WIPF3: variants seen among roughly 807,000 people sequenced by gnomAD.
WIPF3 encodes the protein WAS/WASL interacting protein family member 3.
In WIPF3, 33 loss-of-function variants were observed where a neutral mutation model predicts 38.9. The observed-to-expected ratio is 0.85, with a 90% CI of 0.64 to 1.14. WIPF3 has a LOEUF of 1.14. WIPF3 is among the 50% of genes most tolerant of loss of function. The probability of loss-of-function intolerance (pLI) is 0.00; values close to 1 mark genes in which losing one functional copy is unlikely to be tolerated. For synonymous variants in WIPF3, 324 were observed against 269.3 expected (o/e 1.20, Z -1.99); for missense variants, 711 against 652.5 (o/e 1.09, Z -0.98).
At chr7:29,908,056 CAG>C (rs1281835081) in intron 8 of WIPF3, among the ~76,000 whole-genome samples, 1 of 152,112 alleles carries the variant, frequency 6.6e-6, no homozygotes, top group African/African-American at 2.4e-5. Flanking sequence ...AATCAAAAGA[CAG>C]AGATTGGCAG....
intron 1 of WIPF3, among the ~76,000 whole-genome samples, chr7:29,816,271 C>A (rs999379489): frequency 1.3e-5 from 2 of 152,086 alleles, no homozygotes; most frequent in African/African-American, 4.8e-5. Context: ...GTTATGCATT[C>A]TTCCAGAGAA....
chr7:29,871,131 C>T (rs1785489488), intron 2 of WIPF3, among the ~76,000 whole-genome samples: 1 of 152,184 alleles, frequency 6.6e-6, no homozygotes, highest in Non-Finnish European at 1.5e-5. Flanking sequence ...GTGCAGGGAA[C>T]ACTGTGTCAG....
intron 7 of WIPF3, among the ~76,000 whole-genome samples, chr7:29,891,143 G>C (rs373488322): frequency 2.4e-5 from 1 of 40,910 alleles, no homozygotes; most frequent in Admixed American, 2.7e-4. Context: ...TGGAGGGGGC[G>C]CGGGCCTGCC....
At chr7:29,889,618 A>G (rs1041897280) in intron 7 of WIPF3, among the ~76,000 whole-genome samples, 2 of 152,196 alleles carry the variant, frequency 1.3e-5, no homozygotes, top group African/African-American at 4.8e-5. Flanking sequence ...TTTATAGAAC[A>G]CTAAGGGTAA....
chr7:29,886,259 G>A (rs1785876978), intron 5 of WIPF3, among the ~76,000 whole-genome samples: 1 of 151,160 alleles, frequency 6.6e-6, no homozygotes, highest in African/African-American at 2.4e-5. Context: ...CAATTGACTG[G>A]TCACCATGAG....
In WIPF3 at chr7:29,884,000, C is replaced by T. The variant is rs781472174; in HGVS notation, c.506C>T (p.Pro169Leu). 2.4e-4 allele frequency: 371 copies of T among 1,527,954 alleles called. No individual in the cohort carries two copies. The highest frequency in any genetic ancestry group is 3.1e-4 in the Non-Finnish European group (354 of 1,136,056). The allele number at this position is 1,527,954 out of a possible 1,614,324, so 94.6% of individuals were successfully genotyped here. A position where few individuals can be genotyped will look rare whatever the true frequency, so the allele number is the denominator to read the frequency against. ...GCTGCCAGGACAGCCCCGCCTCGCC[C>T]CAACGTGCCTGCCCCGCCCCCTCCC... ...HGAARTAPPRPNVPAPPPPTP... is the reference protein window; with the variant it reads ...HGAARTAPPRLNVPAPPPPTP... Residue 169 changes from proline to leucine, a missense_variant, in exon 5 of 9, where the codon CCC (proline) becomes CTC (leucine). By Grantham distance (98) the Pro-to-Leu change is moderately conservative. Transcript: ENST00000242140.
intron 1 of WIPF3, 44 bp from the exon 2 acceptor site, chr7:29,834,624 G>C: frequency 1.4e-6 from 2 of 1,384,554 alleles, no homozygotes; most frequent in Non-Finnish European, 9.4e-7. Flanking sequence ...CTGCATGTAA[G>C]TAAAGAAATC....
chr7:29,897,857 C>T (rs1022025143), intron 7 of WIPF3, among the ~76,000 whole-genome samples: 2 of 152,206 alleles, frequency 1.3e-5, no homozygotes, highest in Non-Finnish European at 2.9e-5. Context: ...CAAAAGCTGT[C>T]TTCCAGCACC....
intron 1 of WIPF3, among the ~76,000 whole-genome samples, chr7:29,818,733 T>A (rs1784494638): frequency 6.6e-6 from 1 of 152,212 alleles, no homozygotes; most frequent in South Asian, 2.1e-4. Context: ...AGCTGTAGGA[T>A]AATGATAACT....
chr7:29,828,223 G>A lies in WIPF3; in HGVS notation c.-57-6445G>A, dbSNP rs548466337. ...TCTTGGAGAAAAAAAAGAGTTTGACGAGAGCAACTAGTGTGTAAAATTACT... is the reference window on the plus strand; with the variant it reads ...TCTTGGAGAAAAAAAAGAGTTTGACAAGAGCAACTAGTGTGTAAAATTACT... On this transcript the variant is annotated intron_variant, in intron 1 of 8. Coordinates refer to ENST00000242140, the MANE Select transcript of WIPF3 (RefSeq NM_001080529.3). Among the ~76,000 whole-genome samples the A allele has an allele frequency of 3.9e-5, 6 of 152,334 alleles. No individual in the cohort carries two copies. In the East Asian group the frequency reaches 5.8e-4, roughly 15 times the overall value.
intron 5 of WIPF3, among the ~76,000 whole-genome samples, chr7:29,887,257 G>A (rs1379264438): frequency 6.6e-6 from 1 of 152,238 alleles, no homozygotes; most frequent in Non-Finnish European, 1.5e-5. Context: ...GGGGGGAAAA[G>A]AGAGAGGTAG....
In WIPF3 at chr7:29,872,610, C is replaced by T. The variant is rs541569498; in HGVS notation, c.91-3220C>T. On this transcript the variant is annotated intron_variant, in intron 2 of 8. Transcript: ENST00000242140. ...AGATCGAGACCATCCTGGCTAACACCGTAAAACCCCGTCTCTACTAAAAAA... is the reference window on the plus strand; with the variant it reads ...AGATCGAGACCATCCTGGCTAACACTGTAAAACCCCGTCTCTACTAAAAAA... 2.5e-4 allele frequency among the ~76,000 whole-genome samples: 38 copies of T among 151,688 alleles called. No individual in the cohort carries two copies. The South Asian group carries it at 7.9e-3, about 32-fold the overall frequency.
chr7:29,865,382 T>A (rs1785367886), intron 2 of WIPF3, among the ~76,000 whole-genome samples: 1 of 152,162 alleles, frequency 6.6e-6, no homozygotes, highest in Non-Finnish European at 1.5e-5. Context: ...TGAACTCAGC[T>A]CTTTCCACTA....
At chr7:29,885,070 A>C (rs174966) in intron 5 of WIPF3, among the ~76,000 whole-genome samples, 111,534 of 152,156 alleles carry the variant, frequency 0.73, 41,085 homozygotes, top group South Asian at 0.89. Context: ...TCCTATCTGG[A>C]TCCCAGCCAG....
At chr7:29,808,753 G>GA (rs1784326950) in intron 1 of WIPF3, among the ~76,000 whole-genome samples, 1 of 152,020 alleles carries the variant, frequency 6.6e-6, no homozygotes, top group East Asian at 1.9e-4. Flanking sequence ...AAGAACAGGG[G>GA]AAAGCCAGCT....
At position 29,846,448 on chromosome 7, in the gene WIPF3, C is replaced by A. The variant is rs576019468; in HGVS notation, c.90+11634C>A. On this transcript the variant is annotated intron_variant, in intron 2 of 8. Coordinates refer to ENST00000242140, the MANE Select transcript of WIPF3 (RefSeq NM_001080529.3). ...AGGCACGTTGGCTCATGCCTGTAAT[C>A]CCAACACTTTGGGAGGCCCAGGCAG... Among the ~76,000 whole-genome samples the A allele has an allele frequency of 3.5e-4, 54 of 152,360 alleles. 2 individuals are homozygous for A. The South Asian group carries it at 0.011, about 30-fold the overall frequency.
intron 7 of WIPF3, among the ~76,000 whole-genome samples, chr7:29,903,560 TGCA>T: frequency 6.6e-6 from 1 of 152,270 alleles, no homozygotes; most frequent in South Asian, 2.1e-4. Context: ...GTCCTACCAG[TGCA>T]ACAGAGGAAA....
chr7:29,847,003 CTCCTAGAATGGAAACT>C (rs1034111834), intron 2 of WIPF3, among the ~76,000 whole-genome samples: 2 of 152,222 alleles, frequency 1.3e-5, no homozygotes, highest in African/African-American at 4.8e-5. Flanking sequence ...GGGTACATTG[CTCCTAGAATGGAAACT>C]TCATAGAGGG....
chr7:29,880,525 C>T (rs908820913), intron 4 of WIPF3, among the ~76,000 whole-genome samples: 1 of 152,086 alleles, frequency 6.6e-6, no homozygotes, highest in Non-Finnish European at 1.5e-5. Flanking sequence ...TCAAAATTCC[C>T]GAGTGCTATC....
Sources: allele counts gnomAD v4.1 joint callset (sites outside exome capture counted in the v4.1 genomes callset), GRCh38; gene constraint gnomAD v4.1.1; transcripts MANE v1.5; gene names NCBI Gene and HGNC (gene_info 2026-07-23, HGNC 2026-07-21).